RASGRP1: variants seen among roughly 807,000 people sequenced by gnomAD.
The protein encoded by RASGRP1 is RAS guanyl-releasing protein 1.
RASGRP1 carries 37 observed loss-of-function variants against 95.1 expected under a neutral mutation model. The observed-to-expected ratio is 0.39, with a 90% confidence interval of 0.30 to 0.51. RASGRP1 has a LOEUF of 0.51. Among genes scored for constraint, RASGRP1 ranks in the 20% least tolerant of loss-of-function variants. RASGRP1 has a pLI of 0.80. For synonymous variants in RASGRP1, 325 were observed against 353.4 expected, an observed-to-expected ratio of 0.92 and a Z score of 0.90; for missense variants, 711 against 965.4, an observed-to-expected ratio of 0.74 and a Z score of 3.49.
intron 2 of RASGRP1, among the ~76,000 whole-genome samples, chr15:38,544,845 C>G (rs1469154899): frequency 6.6e-6 from 1 of 152,250 alleles, no homozygotes; most frequent in Non-Finnish European, 1.5e-5. Flanking sequence ...GTTAACCTCA[C>G]ATCTTTTTAT....
chr15:38,501,946 C>T (rs562063815), intron 12 of RASGRP1, among the ~76,000 whole-genome samples: 62 of 152,026 alleles, frequency 4.1e-4, no homozygotes, highest in African/African-American at 1.4e-3. Flanking sequence ...CCTCCGCCTC[C>T]TGGGTTCAAA....
At chr15:38,501,379 C>T in intron 12 of RASGRP1, 92 bp from the exon 13 acceptor site, 1 of 1,432,428 alleles carries the variant, frequency 7.0e-7, no homozygotes, top group South Asian at 1.2e-5. Context: ...ACTCACCTTT[C>T]TTTTTATCCT....
intron 14 of RASGRP1, 38 bp from the exon 15 acceptor site, chr15:38,498,984 T>C (rs1240432579): frequency 6.2e-7 from 1 of 1,613,610 alleles, no homozygotes. Context: ...AGTCTTTCAC[T>C]TTTCTCTCTT....
chr15:38,493,188 T>TC (rs1890662907), intron 16 of RASGRP1, among the ~76,000 whole-genome samples: 1 of 146,106 alleles, frequency 6.8e-6, no homozygotes, highest in Admixed American at 6.8e-5. Flanking sequence ...CCTTTTTTTT[T>TC]TTTTTTTTTT....
At chr15:38,524,953 G>A (rs59960084) in intron 3 of RASGRP1, among the ~76,000 whole-genome samples, 4,947 of 145,542 alleles carry the variant, frequency 0.034, 200 homozygotes, top group East Asian at 0.19. Flanking sequence ...CAGGAACCCC[G>A]AGGTACAATT....
chr15:38,499,556 C>T (rs1011642681), intron 14 of RASGRP1, among the ~76,000 whole-genome samples: 1 of 152,232 alleles, frequency 6.6e-6, no homozygotes, highest in Non-Finnish European at 1.5e-5. Flanking sequence ...AGGCATTTCT[C>T]TCTTCGGTGT....
At chr15:38,505,760 CTG>C (rs1891231105) in intron 10 of RASGRP1, 78 bp downstream of exon 10, 1 of 1,131,544 alleles carries the variant, frequency 8.8e-7, no homozygotes, top group African/African-American at 1.5e-5. Flanking sequence ...AACTGAAAGT[CTG>C]TTCCTGAGGA....
intron 2 of RASGRP1, among the ~76,000 whole-genome samples, chr15:38,533,937 A>T (rs1892539796): frequency 6.6e-6 from 1 of 152,238 alleles, no homozygotes; most frequent in Non-Finnish European, 1.5e-5. Context: ...ACATGCACCT[A>T]GGAAGAGATG....
At chr15:38,521,619 TAGTA>T (rs1214930385) in intron 3 of RASGRP1, among the ~76,000 whole-genome samples, 1 of 152,192 alleles carries the variant, frequency 6.6e-6, no homozygotes, top group East Asian at 1.9e-4. Context: ...GCAGGCTAAA[TAGTA>T]AGAGGCTCAG....
chr15:38,532,993 A>G (rs1048969084), intron 2 of RASGRP1, among the ~76,000 whole-genome samples: 2 of 152,138 alleles, frequency 1.3e-5, no homozygotes, highest in African/African-American at 4.8e-5. Flanking sequence ...GGGGGATGAG[A>G]TGGAAATGCC....
chr15:38,542,349 C>G (rs1161544493), intron 2 of RASGRP1, among the ~76,000 whole-genome samples: 1 of 151,988 alleles, frequency 6.6e-6, no homozygotes, highest in Non-Finnish European at 1.5e-5. Flanking sequence ...CTAAACAAAA[C>G]AACAAACAAA....
chr15:38,503,441 C>A, intron 10 of RASGRP1, 65 bp from the exon 11 acceptor site: 2 of 1,191,778 alleles, frequency 1.7e-6, no homozygotes, highest in Non-Finnish European at 1.2e-6. Flanking sequence ...ATAGCTCTTT[C>A]TTTTCCCACT....
At chr15:38,552,901 A>C (rs988774840) in intron 2 of RASGRP1, among the ~76,000 whole-genome samples, 1 of 152,238 alleles carries the variant, frequency 6.6e-6, no homozygotes, top group Non-Finnish European at 1.5e-5. Context: ...ACATAAATCC[A>C]CATCGTTCTA....
At chr15:38,558,147 G>A (rs961488650) in intron 2 of RASGRP1, among the ~76,000 whole-genome samples, 15 of 152,238 alleles carry the variant, frequency 9.9e-5, no homozygotes, top group Middle Eastern at 3.4e-3. Context: ...TGCTAAAGCC[G>A]AGTAAATCTG....
chr15:38,552,381 C>T (rs1346978822), intron 2 of RASGRP1, among the ~76,000 whole-genome samples: 1 of 152,180 alleles, frequency 6.6e-6, no homozygotes, highest in East Asian at 1.9e-4. Flanking sequence ...GTTATGTAAG[C>T]ACCCTCTGTA....
At chr15:38,524,933 G>A (rs1892152795) in intron 3 of RASGRP1, among the ~76,000 whole-genome samples, 1 of 151,394 alleles carries the variant, frequency 6.6e-6, no homozygotes, top group Non-Finnish European at 1.5e-5. Flanking sequence ...AGCCAGTAGT[G>A]CACTAAGGGC....
In RASGRP1 at chr15:38,494,664, C is replaced by G. The variant is rs747897701; in HGVS notation, c.1977G>C (p.Lys659Asn). 3.2e-6 allele frequency: 5 copies of G among 1,547,266 alleles called. No individual in the cohort carries two copies. Among genetic ancestry groups the G allele is most frequent in the Non-Finnish European group, 8.7e-7 (1 of 1,153,116 alleles). Residue 659 changes from lysine to asparagine, a missense_variant, in exon 16 of 17, where the codon AAG becomes AAC. By Grantham distance (94) the Lys-to-Asn change is moderately conservative. Coordinates refer to ENST00000310803, the MANE Select transcript of RASGRP1 (RefSeq NM_005739.4). ...CAGCCCTCTTCAGCCGAAGAGAAAT[C>G]TTCTGTGAGGACACTCCCATCAGCA... ...TIMLMGVSSQ[K>N]ISLRLKRAVA...
rs1194445722 is a variant in RASGRP1 at position 38,564,761 on chromosome 15, G to T, written c.-133C>A. On this transcript the variant is annotated 5_prime_UTR_variant, in exon 1 of 17. Transcript: ENST00000310803. ...GTAGCCCCGGCGCCCGCCAGCCCTC[G>T]AGCCCGGCGAGCCCGACCGAGGTGC... 7.5e-6 allele frequency: 5 copies of T among 670,128 alleles called. No individual in the cohort carries two copies. The African/African-American group carries it at 7.8e-5, about 10-fold the overall frequency. 41.5% of individuals were successfully genotyped at this position (670,128 alleles called of 1,614,324 possible). A position where few individuals can be genotyped will look rare whatever the true frequency, so the allele number is the denominator to read the frequency against.
At chr15:38,498,255 T>TA (rs1174224001) in intron 15 of RASGRP1, among the ~76,000 whole-genome samples, 2 of 152,210 alleles carry the variant, frequency 1.3e-5, no homozygotes, top group African/African-American at 4.8e-5. Flanking sequence ...CAGCTGCCTC[T>TA]ACCTGCTTCT....
Sources: gnomAD v4.1 joint callset for allele counts (sites outside exome capture counted in the v4.1 genomes callset) on GRCh38, gnomAD v4.1.1 for gene constraint, MANE v1.5 for transcripts, NCBI Gene and HGNC (gene_info 2026-07-23, HGNC 2026-07-21) for gene names.